Variants in KCNS3 observed in about 807,000 individuals in gnomAD.
KCNS3 encodes the protein delayed-rectifier potassium channel regulatory subunit KCNS3.
Under a neutral mutation model 31.0 loss-of-function variants are expected in KCNS3, and 13 were observed. The ratio of observed to expected loss-of-function variants is 0.42; its 90% confidence interval spans 0.27 to 0.67. KCNS3 has a LOEUF of 0.67. Among genes scored for constraint, KCNS3 ranks in the 30% least tolerant of loss-of-function variants. The pLI is 0.25. For missense variants in KCNS3, 545 were observed against 622.4 expected (o/e 0.88, Z 1.32); for synonymous variants, 238 against 241.5 (o/e 0.99, Z 0.13).
chr2:17,910,046 T>G (rs1389182885), intron 1 of KCNS3, among the ~76,000 whole-genome samples: 1 of 152,240 alleles, frequency 6.6e-6, no homozygotes, highest in East Asian at 1.9e-4. Flanking sequence ...GGACCCCTTT[T>G]CAGAATAGCG....
At chr2:17,896,596 CTGT>C (rs1158440107) in intron 1 of KCNS3, among the ~76,000 whole-genome samples, 8 of 151,538 alleles carry the variant, frequency 5.3e-5, no homozygotes, top group Non-Finnish European at 1.0e-4. Context: ...GGCCACATGT[CTGT>C]TTCATCTTCC....
chr2:17,905,938 T>A (rs1662303646), intron 1 of KCNS3, among the ~76,000 whole-genome samples: 1 of 152,214 alleles, frequency 6.6e-6, no homozygotes, highest in African/African-American at 2.4e-5. Context: ...TTGTTGTGTC[T>A]CTGCCAGGCT....
At chr2:17,896,229 T>A (rs1183895437) in intron 1 of KCNS3, among the ~76,000 whole-genome samples, 1 of 151,954 alleles carries the variant, frequency 6.6e-6, no homozygotes, top group Non-Finnish European at 1.5e-5. Flanking sequence ...TTTATTTTTT[T>A]GTAGAGGTGG....
intron 2 of KCNS3, among the ~76,000 whole-genome samples, chr2:17,930,008 T>A (rs1045752419): frequency 1.3e-5 from 2 of 152,196 alleles, no homozygotes; most frequent in Non-Finnish European, 2.9e-5. Flanking sequence ...TGAGGAAACG[T>A]CATTGCATTG....
intron 1 of KCNS3, among the ~76,000 whole-genome samples, chr2:17,880,954 G>A (rs1674632027): frequency 6.6e-6 from 1 of 152,338 alleles, no homozygotes; most frequent in Non-Finnish European, 1.5e-5. Context: ...AGCTTTGAGA[G>A]AGTAGGCACC....
chr2:17,884,260 AAAAAAAAAATATATAT>A (rs754956927), intron 1 of KCNS3, among the ~76,000 whole-genome samples: 21,681 of 81,336 alleles, frequency 0.27, 2,441 homozygotes, highest in Non-Finnish European at 0.33. Flanking sequence ...TATAATTAAA[AAAAAAAAAATATATAT>A]ATATATATAT....
At chr2:17,919,686 G>C (rs1161537692) in intron 2 of KCNS3, 1 of 152,240 alleles carries the variant, frequency 6.6e-6, no homozygotes, top group Non-Finnish European at 1.5e-5. Context: ...GTCCAACTGT[G>C]GCCCATGCTG....
At chr2:17,907,193 G>T (rs533226276) in intron 1 of KCNS3, among the ~76,000 whole-genome samples, 1 of 152,312 alleles carries the variant, frequency 6.6e-6, no homozygotes, top group East Asian at 1.9e-4. Context: ...TTGTTGAATT[G>T]ATCCTTTTAC....
At chr2:17,886,424 A>C (rs1466308508) in intron 1 of KCNS3, among the ~76,000 whole-genome samples, 2 of 152,208 alleles carry the variant, frequency 1.3e-5, no homozygotes, top group Admixed American at 1.3e-4. Flanking sequence ...CTTTGAGTTC[A>C]GACAAAACAC....
At chr2:17,914,135 A>T (rs1662535441) in intron 1 of KCNS3, among the ~76,000 whole-genome samples, 1 of 152,190 alleles carries the variant, frequency 6.6e-6, no homozygotes, top group Non-Finnish European at 1.5e-5. Flanking sequence ...CCCAGAGCTG[A>T]TCAAACTGTA....
intron 1 of KCNS3, among the ~76,000 whole-genome samples, chr2:17,888,928 A>T (rs1463510030): frequency 6.6e-6 from 1 of 151,528 alleles, no homozygotes; most frequent in Non-Finnish European, 1.5e-5. Context: ...TTGGTTCCAT[A>T]TGGATTTTAG....
intron 1 of KCNS3, among the ~76,000 whole-genome samples, chr2:17,883,533 G>A (rs898917361): frequency 5.3e-5 from 8 of 152,182 alleles, no homozygotes; most frequent in African/African-American, 4.8e-5. Context: ...TAGTTTAGAT[G>A]AGAGGGTCAG....
At chr2:17,919,100 T>C (rs1662656533) in intron 2 of KCNS3, among the ~76,000 whole-genome samples, 1 of 152,246 alleles carries the variant, frequency 6.6e-6, no homozygotes, top group African/African-American at 2.4e-5. Context: ...TTCTGGTTGT[T>C]TGGCTCACTA....
intron 1 of KCNS3, among the ~76,000 whole-genome samples, chr2:17,885,090 C>T (rs150771950): frequency 6.6e-6 from 1 of 152,128 alleles, no homozygotes; most frequent in African/African-American, 2.4e-5. Context: ...GATGTAGGAA[C>T]ATTTGTGGTA....
chr2:17,897,962 GA>G (rs1662070190), intron 1 of KCNS3, among the ~76,000 whole-genome samples: 1 of 152,138 alleles, frequency 6.6e-6, no homozygotes. Context: ...AATCCATCTT[GA>G]GTTAATTTTT....
chr2:17,927,538 T>G (rs1310439291), intron 2 of KCNS3, among the ~76,000 whole-genome samples: 3 of 152,206 alleles, frequency 2.0e-5, no homozygotes, highest in African/African-American at 7.2e-5. Context: ...TCTGCAGAGC[T>G]GAGGAAGCCT....
At chr2:17,907,651 C>T (rs1212766578) in intron 1 of KCNS3, among the ~76,000 whole-genome samples, 1 of 152,072 alleles carries the variant, frequency 6.6e-6, no homozygotes, top group Admixed American at 6.6e-5. Context: ...GTAAGGCAGG[C>T]CTGGTGGTGA....
chr2:17,905,367 T>C (rs993862951), intron 1 of KCNS3, among the ~76,000 whole-genome samples: 5 of 152,136 alleles, frequency 3.3e-5, no homozygotes, highest in East Asian at 1.9e-4. Flanking sequence ...TGGGCTGAGA[T>C]GATGGGGTTT....
At chr2:17,891,913 T>A (rs901095397) in intron 1 of KCNS3, among the ~76,000 whole-genome samples, 2 of 152,196 alleles carry the variant, frequency 1.3e-5, no homozygotes, top group East Asian at 1.9e-4. Context: ...TAGGTGAAGA[T>A]CTTTTTATGA....
Sources: gnomAD v4.1 joint callset for allele counts (sites outside exome capture counted in the v4.1 genomes callset) on GRCh38, gnomAD v4.1.1 for gene constraint, MANE v1.5 for transcripts, NCBI Gene and HGNC (gene_info 2026-07-23, HGNC 2026-07-21) for gene names.